Variants in NR1I2 observed in about 807,000 individuals in gnomAD.
NR1I2 encodes the protein nuclear receptor subfamily 1 group I member 2.
In NR1I2, 42 loss-of-function variants were observed where a neutral mutation model predicts 43.3. The observed-to-expected ratio is 0.97, with a 90% CI of 0.76 to 1.26. The LOEUF is 1.26. Among genes scored for constraint, NR1I2 ranks in the 50% most tolerant of loss-of-function variants. The pLI is 0.00. For missense variants in NR1I2, 559 were observed against 566.7 expected, an observed-to-expected ratio of 0.99 and a Z score of 0.14; for synonymous variants, 229 against 215.0, an observed-to-expected ratio of 1.06 and a Z score of -0.57.
chr3:119,810,751 T>G (rs1451583630), intron 3 of NR1I2, among the ~76,000 whole-genome samples: 1 of 152,132 alleles, frequency 6.6e-6, no homozygotes, highest in Non-Finnish European at 1.5e-5. Flanking sequence ...AAAGGCTAGG[T>G]GTTTCTAGTG....
chr3:119,800,589 G>A (rs564589942), intron 1 of NR1I2, among the ~76,000 whole-genome samples: 33 of 151,960 alleles, frequency 2.2e-4, no homozygotes, highest in Admixed American at 1.4e-3. Flanking sequence ...TTTTTTGGTC[G>A]TTTTTTTCCC....
chr3:119,809,558 C>CGG, intron 2 of NR1I2, among the ~76,000 whole-genome samples: 1 of 8,900 alleles, frequency 1.1e-4, no homozygotes. Context: ...GGGGGGAAGG[C>CGG]GGGGGGGAAG....
At chr3:119,783,040 C>T (rs2054798730) in intron 1 of NR1I2, among the ~76,000 whole-genome samples, 1 of 152,126 alleles carries the variant, frequency 6.6e-6, no homozygotes, top group African/African-American at 2.4e-5. Context: ...ACCTCTGAGG[C>T]CACTGAGTCT....
At chr3:119,804,677 C>T (rs1197038087) in intron 1 of NR1I2, among the ~76,000 whole-genome samples, 1 of 151,908 alleles carries the variant, frequency 6.6e-6, no homozygotes, top group African/African-American at 2.4e-5. Context: ...AACTCCTAAC[C>T]TCAGGTGATC....
intron 2 of NR1I2, 116 bp downstream of exon 2, chr3:119,807,563 A>G (rs760617452): frequency 1.2e-5 from 10 of 832,166 alleles, no homozygotes; most frequent in African/African-American, 3.3e-5. Context: ...GGCCCACCCA[A>G]AGGCCTTGTA....
intron 1 of NR1I2, among the ~76,000 whole-genome samples, chr3:119,802,213 T>A (rs535869106): frequency 3.3e-5 from 5 of 152,320 alleles, no homozygotes; most frequent in African/African-American, 1.2e-4. Context: ...AACTATAGAA[T>A]GTGCCAGAGT....
intron 1 of NR1I2, among the ~76,000 whole-genome samples, chr3:119,798,337 A>T (rs1290064734): frequency 6.6e-6 from 1 of 152,188 alleles, no homozygotes; most frequent in East Asian, 1.9e-4. Flanking sequence ...AGTTTCAGAT[A>T]TTGTACTATT....
intron 3 of NR1I2, chr3:119,810,685 T>C (rs868707637): frequency 6.2e-6 from 1 of 162,336 alleles, no homozygotes; most frequent in Non-Finnish European, 1.3e-5. Context: ...ATTCTACCTA[T>C]TTAACTTTGA....
chr3:119,807,540 A>T, intron 2 of NR1I2, 93 bp downstream of exon 2: 3 of 1,140,994 alleles, frequency 2.6e-6, no homozygotes, highest in Non-Finnish European at 3.9e-6. Context: ...CCAGGTTCAG[A>T]GTGTGGGCTG....
chr3:119,784,778 G>C (rs2054821308), intron 1 of NR1I2, among the ~76,000 whole-genome samples: 1 of 152,046 alleles, frequency 6.6e-6, no homozygotes, highest in Non-Finnish European at 1.5e-5. Flanking sequence ...CCTCTATCAT[G>C]TACTAAATTC....
At chr3:119,815,648 C>T (rs1419562002) in intron 7 of NR1I2, 78 bp from the exon 8 acceptor site, 30 of 1,311,508 alleles carry the variant, frequency 2.3e-5, no homozygotes, top group Non-Finnish European at 3.0e-5. Flanking sequence ...GGGTGGTTGG[C>T]GAGCAATGCC....
intron 1 of NR1I2, among the ~76,000 whole-genome samples, chr3:119,802,167 T>C (rs2055091307): frequency 6.6e-6 from 1 of 152,078 alleles, no homozygotes; most frequent in Non-Finnish European, 1.5e-5. Context: ...TGTAATGGGT[T>C]CTCTAGCGGG....
intron 1 of NR1I2, chr3:119,782,928 C>A: frequency 8.1e-7 from 1 of 1,241,432 alleles, no homozygotes; most frequent in Non-Finnish European, 1.2e-6. Flanking sequence ...TGGTCAGTGC[C>A]ACCAGGTCCT....
chr3:119,802,490 C>T (rs1023646425), intron 1 of NR1I2, among the ~76,000 whole-genome samples: 16 of 152,142 alleles, frequency 1.1e-4, no homozygotes, highest in East Asian at 1.9e-4. Flanking sequence ...ATATTTATTG[C>T]GAGAAAGCAG....
chr3:119,793,527 C>T (rs75950890), intron 1 of NR1I2, among the ~76,000 whole-genome samples: 5,114 of 152,252 alleles, frequency 0.034, 288 homozygotes, highest in African/African-American at 0.12. Flanking sequence ...TTCTAGATGC[C>T]GTGGCAATCC....
chr3:119,804,370 G>C (rs183644092), intron 1 of NR1I2, among the ~76,000 whole-genome samples: 1 of 148,912 alleles, frequency 6.7e-6, no homozygotes, highest in African/African-American at 2.5e-5. Flanking sequence ...GCGAGACTCC[G>C]TCTCAAAAAA....
At chr3:119,788,138 G>A (rs56271333) in intron 1 of NR1I2, among the ~76,000 whole-genome samples, 3,815 of 152,130 alleles carry the variant, frequency 0.025, 155 homozygotes, top group African/African-American at 0.086. Flanking sequence ...TTAAGAGACA[G>A]GGTCTTGCTG....
chr3:119,798,650 AAAAAG>A (rs1559785720), intron 1 of NR1I2, among the ~76,000 whole-genome samples: 3 of 151,498 alleles, frequency 2.0e-5, no homozygotes, highest in African/African-American at 7.3e-5. Flanking sequence ...AAAAAAAAAA[AAAAAG>A]AAAAAGAAAG....
chr3:119,792,180 T>C (rs1044752442), intron 1 of NR1I2: 4 of 1,043,268 alleles, frequency 3.8e-6, no homozygotes, highest in Non-Finnish European at 4.5e-6. Context: ...TGTGCTGCCA[T>C]CCATCACTAC....
Sources: allele counts gnomAD v4.1 joint callset (sites outside exome capture counted in the v4.1 genomes callset), GRCh38; gene constraint gnomAD v4.1.1; transcripts MANE v1.5; gene names NCBI Gene and HGNC (gene_info 2026-07-23, HGNC 2026-07-21).